Variants in SRGAP1 observed in about 807,000 individuals in gnomAD.
The protein encoded by SRGAP1 is SLIT-ROBO Rho GTPase-activating protein 1.
SRGAP1 carries 43 observed loss-of-function variants against 121.9 expected under a neutral mutation model. The ratio of observed to expected loss-of-function variants is 0.35; its 90% CI spans 0.28 to 0.46. The LOEUF (loss-of-function observed/expected upper bound fraction) is 0.46, where lower values mean the gene tolerates loss of function less well. SRGAP1 is among the 20% of genes least tolerant of loss of function. The pLI, the probability that SRGAP1 is intolerant of heterozygous loss-of-function variation, is 1.00. For synonymous variants in SRGAP1, 447 were observed against 485.4 expected, an observed-to-expected ratio of 0.92 and a Z score of 1.04; for missense variants, 1,102 against 1,350.9, an observed-to-expected ratio of 0.82 and a Z score of 2.89.
At chr12:64,097,450 C>A in intron 15 of SRGAP1, 75 bp downstream of exon 15, 1 of 1,490,606 alleles carries the variant, frequency 6.7e-7, no homozygotes, top group East Asian at 2.3e-5. Context: ...GGCAGTGGCC[C>A]CCCTCCATAC....
chr12:64,157,820 C>G lies in SRGAP1; in HGVS notation c.*15148C>G, dbSNP rs1044785950. The G allele has an allele frequency of 3.3e-5, 5 of 152,110 alleles. No individual in the cohort carries two copies. Among genetic ancestry groups the G allele is most frequent in the Non-Finnish European group, 5.9e-5 (4 of 68,020 alleles). The allele number at this position is 152,110 out of a possible 1,614,324, so 9.4% of individuals were successfully genotyped here. On this transcript the variant is annotated 3_prime_UTR_variant, in exon 22 of 22. Transcript: ENST00000355086. ...ACAAACAACCCCCCAAACTCAGTAA[C>G]ACAATCAAGCTGAATTTCTCCTTCA...
chr12:64,132,181 A>G (rs1384082014), intron 21 of SRGAP1, among the ~76,000 whole-genome samples: 1 of 152,212 alleles, frequency 6.6e-6, no homozygotes, highest in African/African-American at 2.4e-5. Flanking sequence ...CTCAAAAAGA[A>G]AAGGAGAGCA....
At position 64,097,888 on chromosome 12, in the gene SRGAP1, G is replaced by A. The variant is rs148217901; in HGVS notation, c.1813+513G>A. ...TAATAGGCAGAGTTGCTCTGGGATT[G>A]TGTATGACATATTATGAAACCGATA... On this transcript the variant is annotated intron_variant, in intron 15 of 21. Transcript: ENST00000355086. Among the ~76,000 whole-genome samples, 296 of 152,296 alleles carry A rather than the reference G, an allele frequency of 1.9e-3. 3 individuals carry two copies. The highest frequency in any genetic ancestry group is 6.8e-3 in the African/African-American group (284 of 41,568).
intron 3 of SRGAP1, among the ~76,000 whole-genome samples, chr12:63,994,095 A>T (rs2136423490): frequency 6.6e-6 from 1 of 152,286 alleles, no homozygotes; most frequent in African/African-American, 2.4e-5. Context: ...GCAGCTATAA[A>T]GTGGATATAG....
At chr12:64,077,865 A>G (rs1460732928) in intron 8 of SRGAP1, among the ~76,000 whole-genome samples, 2 of 152,152 alleles carry the variant, frequency 1.3e-5, no homozygotes, top group Non-Finnish European at 1.5e-5. Flanking sequence ...TGCAACACAT[A>G]CAACTACAAA....
Position 63,929,133 on chromosome 12 carries a change from G to T in SRGAP1, c.68-54814G>T, listed in dbSNP as rs1236359243. On this transcript the variant is annotated intron_variant, in intron 1 of 21. Coordinates refer to ENST00000355086, the MANE Select transcript of SRGAP1 (RefSeq NM_020762.4). Reference sequence around the variant, plus strand: ...AATCTCACTGAACCAAACACTTAAGGTCTGTGTGTTTGGTCTTTACTGTAG... The same window carrying T: ...AATCTCACTGAACCAAACACTTAAGTTCTGTGTGTTTGGTCTTTACTGTAG... Among the ~76,000 whole-genome samples, 5 of 152,128 alleles carry T rather than the reference G, an allele frequency of 3.3e-5. No individual in the cohort carries two copies. The South Asian group carries it at 1.0e-3, about 31-fold the overall frequency.
chr12:63,885,632 G>A (rs549012473), intron 1 of SRGAP1, among the ~76,000 whole-genome samples: 64 of 152,312 alleles, frequency 4.2e-4, no homozygotes, highest in Non-Finnish European at 7.4e-4. Flanking sequence ...TTGAAGGTAC[G>A]GGGCAAGACC....
chr12:63,915,058 A>C (rs1490245811), intron 1 of SRGAP1, among the ~76,000 whole-genome samples: 1 of 152,236 alleles, frequency 6.6e-6, no homozygotes, highest in Non-Finnish European at 1.5e-5. Flanking sequence ...AGAAACCTCC[A>C]TCATGAAATA....
At position 64,158,830 on chromosome 12, in the gene SRGAP1, T is replaced by C. The variant is rs746315946; in HGVS notation, c.*16158T>C. 1 of 151,574 alleles carries C rather than the reference T, an allele frequency of 6.6e-6. No individual in the cohort carries two copies. Among genetic ancestry groups the C allele is most frequent in the Non-Finnish European group, 1.5e-5 (1 of 67,952 alleles). 9.4% of individuals were successfully genotyped at this position (151,574 alleles called of 1,614,324 possible). A position where few individuals can be genotyped will look rare whatever the true frequency, so the allele number is the denominator to read the frequency against. On this transcript the variant is annotated 3_prime_UTR_variant, in exon 22 of 22. Transcript: ENST00000355086. ...ACCTAATAAAAATGAAAAATCCCAA[T>C]GAAAATGCATGAATATCATGTGCCT...
intron 1 of SRGAP1, among the ~76,000 whole-genome samples, chr12:63,937,947 A>G (rs1355250409): frequency 6.6e-6 from 1 of 152,230 alleles, no homozygotes; most frequent in Non-Finnish European, 1.5e-5. Context: ...GGAATCTCCA[A>G]CATCTCCCCA....
chr12:63,849,390 A>G (rs1338024052), intron 1 of SRGAP1, among the ~76,000 whole-genome samples: 2 of 152,242 alleles, frequency 1.3e-5, no homozygotes, highest in Non-Finnish European at 2.9e-5. Flanking sequence ...ATGAAGTGGA[A>G]CTTATAGATG....
At chr12:63,997,999 A>G (rs183900649) in intron 3 of SRGAP1, among the ~76,000 whole-genome samples, 1 of 152,228 alleles carries the variant, frequency 6.6e-6, no homozygotes, top group Non-Finnish European at 1.5e-5. Flanking sequence ...CTTTTGCCCA[A>G]ATCTTCTAAT....
At chr12:63,947,262 G>A (rs189506800) in intron 1 of SRGAP1, among the ~76,000 whole-genome samples, 1 of 152,296 alleles carries the variant, frequency 6.6e-6, no homozygotes, top group Admixed American at 6.5e-5. Context: ...AGATGTCTAT[G>A]AGAGTTACAT....
In SRGAP1 at chr12:64,115,808, C is replaced by G. The variant is rs757016724; in HGVS notation, c.2145-6C>G. On this transcript the variant is annotated splice_region_variant and splice_polypyrimidine_tract_variant and intron_variant, in intron 17 of 21. Transcript: ENST00000355086. ...TTTCATATGAATTTCCATTTGTATT[C>G]TACAGCGACAGCCCATACAGTGAGC... 5.5e-5 allele frequency: 89 copies of G among 1,611,690 alleles called. No individual in the cohort carries two copies. The highest frequency in any genetic ancestry group is 1.8e-4 in the Admixed American group (11 of 59,740).
At chr12:64,079,722 T>G (rs1344648199) in intron 9 of SRGAP1, among the ~76,000 whole-genome samples, 3 of 151,892 alleles carry the variant, frequency 2.0e-5, no homozygotes, top group African/African-American at 7.3e-5. Flanking sequence ...TAAACTTTAA[T>G]ATCTATACAT....
At chr12:64,091,951 G>A (rs1431817620) in intron 12 of SRGAP1, 1 of 1,531,474 alleles carries the variant, frequency 6.5e-7, no homozygotes, top group Non-Finnish European at 8.7e-7. Flanking sequence ...GGACGTGAGG[G>A]TGCTCTTTCA....
chr12:64,110,365 CT>C (rs1408099327), intron 16 of SRGAP1, among the ~76,000 whole-genome samples: 1 of 152,168 alleles, frequency 6.6e-6, no homozygotes, highest in African/African-American at 2.4e-5. Flanking sequence ...CATCATGCAT[CT>C]CAAAGAATGG....
rs1057421213 is a variant in SRGAP1, at chr12:64,124,651, G to T, written c.2225-1326G>T. On this transcript the variant is annotated intron_variant, in intron 18 of 21. Coordinates refer to ENST00000355086, the MANE Select transcript of SRGAP1 (RefSeq NM_020762.4). ...CAAATTGAGGAGCTTCTTGCAGTAAGATAAATCACAAAGAAACACCTCTTT... is the reference window on the plus strand; with the variant it reads ...CAAATTGAGGAGCTTCTTGCAGTAATATAAATCACAAAGAAACACCTCTTT... 3.9e-5 allele frequency among the ~76,000 whole-genome samples: 6 copies of T among 152,266 alleles called. No individual in the cohort carries two copies. In the East Asian group the frequency reaches 7.7e-4, roughly 20 times the overall value.
chr12:64,104,805 A>G (rs191146347), intron 15 of SRGAP1, among the ~76,000 whole-genome samples: 5 of 152,178 alleles, frequency 3.3e-5, no homozygotes, highest in Non-Finnish European at 5.9e-5. Flanking sequence ...AACTTTATCT[A>G]GTTTTTTTAG....
Sources: gnomAD v4.1 joint callset for allele counts (sites outside exome capture counted in the v4.1 genomes callset) on GRCh38, gnomAD v4.1.1 for gene constraint, MANE v1.5 for transcripts, NCBI Gene and HGNC (gene_info 2026-07-23, HGNC 2026-07-21) for gene names.